The following BANP variants were observed in gnomAD, a reference collection of about 807,000 sequenced individuals.
BANP encodes BTG3 associated nuclear protein.
BANP carries 11 observed loss-of-function variants against 68.1 expected under a neutral mutation model. That is an observed-to-expected ratio of 0.16 (90% confidence interval 0.10 to 0.27). The LOEUF (loss-of-function observed/expected upper bound fraction) is 0.27, where lower values mean the gene tolerates loss of function less well. BANP is among the 10% of genes least tolerant of loss of function. The pLI, the probability that BANP is intolerant of heterozygous loss-of-function variation, is 1.00. For synonymous variants in BANP, 329 were observed against 303.2 expected, an observed-to-expected ratio of 1.09 and a Z score of -0.88; for missense variants, 504 against 722.7, an observed-to-expected ratio of 0.70 and a Z score of 3.47.
chr16:87,990,247 T>C (rs2065582110), intron 4 of BANP, among the ~76,000 whole-genome samples: 1 of 152,262 alleles, frequency 6.6e-6, no homozygotes, highest in Admixed American at 6.5e-5. Flanking sequence ...ACTAGCATGT[T>C]TCTACAATTT....
intron 1 of BANP, among the ~76,000 whole-genome samples, chr16:87,967,254 C>CTTT (rs573550962): frequency 5.6e-5 from 6 of 106,992 alleles, no homozygotes; most frequent in South Asian, 3.6e-4. Context: ...GGAAAAGGTT[C>CTTT]TTTTTTTTTT....
chr16:88,016,962 CAG>C (rs1277067277), intron 6 of BANP, among the ~76,000 whole-genome samples: 2 of 152,202 alleles, frequency 1.3e-5, no homozygotes, highest in African/African-American at 4.8e-5. Context: ...TGTTTGAAGA[CAG>C]GGTGACCAGC....
chr16:88,011,191 A>T (rs1468274956), intron 6 of BANP, among the ~76,000 whole-genome samples: 2 of 152,214 alleles, frequency 1.3e-5, no homozygotes, highest in Non-Finnish European at 2.9e-5. Context: ...TTCCGGATAC[A>T]CAGCCTGTGC....
chr16:88,002,057 T>C lies in BANP; in HGVS notation c.363-2238T>C, dbSNP rs2152549039. Among the ~76,000 whole-genome samples, 1 of 152,332 alleles carries C rather than the reference T, an allele frequency of 6.6e-6. No homozygotes were observed. Among genetic ancestry groups the C allele is most frequent in the South Asian group, 2.1e-4 (1 of 4,826 alleles). ...TCTTGATAATAAAATACTAGGAATG[T>C]ATTTTTGAAGAGCTGGATAGGGCTT... On this transcript the variant is annotated intron_variant, in intron 4 of 13. Coordinates refer to ENST00000682872, the MANE Select transcript of BANP (RefSeq NM_001386991.1). This position sits in a 1 kb window ranked among gnomAD's most constrained non-coding sequence, Gnocchi z 4.6.
At chr16:88,012,549 A>G (rs1167526109) in intron 6 of BANP, among the ~76,000 whole-genome samples, 3 of 152,094 alleles carry the variant, frequency 2.0e-5, no homozygotes. Flanking sequence ...TTTGTTCACT[A>G]TCCTGCTGGA....
intron 4 of BANP, among the ~76,000 whole-genome samples, chr16:87,987,233 G>A (rs564565634): frequency 2.0e-5 from 3 of 152,026 alleles, no homozygotes; most frequent in East Asian, 3.9e-4. Flanking sequence ...CATGCACCAC[G>A]CCGCCTAGCT....
At chr16:88,067,935 C>G (rs1488252422) in intron 12 of BANP, among the ~76,000 whole-genome samples, 1 of 152,264 alleles carries the variant, frequency 6.6e-6, no homozygotes, top group African/African-American at 2.4e-5. Context: ...GTAGCATCCA[C>G]TGTGTCAATG....
chr16:88,032,825 A>G (rs1417469056), intron 8 of BANP, among the ~76,000 whole-genome samples: 2 of 152,216 alleles, frequency 1.3e-5, no homozygotes, highest in Non-Finnish European at 2.9e-5. Flanking sequence ...CACTTTAAGA[A>G]CTTCATTCAT....
chr16:87,993,953 G>C (rs879259223), intron 4 of BANP, among the ~76,000 whole-genome samples: 1 of 152,124 alleles, frequency 6.6e-6, no homozygotes, highest in Admixed American at 6.5e-5. Flanking sequence ...GGCTCATTGT[G>C]AGTGCTTGTC....
At chr16:88,011,942 G>T (rs2073252384) in intron 6 of BANP, among the ~76,000 whole-genome samples, 1 of 152,202 alleles carries the variant, frequency 6.6e-6, no homozygotes, top group African/African-American at 2.4e-5. Flanking sequence ...TAGACATCTA[G>T]CCAGTAGATG....
chr16:88,071,106 G>A lies in BANP; in HGVS notation c.1378-963G>A. On this transcript the variant is annotated intron_variant, in intron 12 of 13. Coordinates refer to ENST00000682872, the MANE Select transcript of BANP (RefSeq NM_001386991.1). This position sits in a 1 kb window ranked among gnomAD's most constrained non-coding sequence, Gnocchi z 6.5. Reference sequence around the variant, plus strand: ...CCCACGGAGGGGATGCTGCGGCCAGGCTCCGTGGGGTGGGGCACCCTGCGA... The same window carrying A: ...CCCACGGAGGGGATGCTGCGGCCAGACTCCGTGGGGTGGGGCACCCTGCGA... 3.7e-6 allele frequency: 1 copy of A among 272,212 alleles called. No homozygotes were observed. Among genetic ancestry groups the A allele is most frequent in the South Asian group, 3.7e-5 (1 of 27,076 alleles). The allele number at this position is 272,212 out of a possible 1,614,324, so 16.9% of individuals were successfully genotyped here. A position where few individuals can be genotyped will look rare whatever the true frequency, so the allele number is the denominator to read the frequency against.
At chr16:88,013,525 C>G (rs2073763991) in intron 6 of BANP, among the ~76,000 whole-genome samples, 1 of 152,238 alleles carries the variant, frequency 6.6e-6, no homozygotes, top group Admixed American at 6.5e-5. Context: ...TAGAGCTCAG[C>G]CTGCCTGATG....
chr16:88,041,358 C>T (rs1219318978), intron 11 of BANP, among the ~76,000 whole-genome samples: 3 of 152,222 alleles, frequency 2.0e-5, no homozygotes, highest in Admixed American at 6.5e-5. Flanking sequence ...TGCTGGGAAG[C>T]GCCATTGTGC....
At chr16:87,975,378 C>A (rs1396705464) in intron 2 of BANP, among the ~76,000 whole-genome samples, 193 bp downstream of exon 2, 1 of 152,238 alleles carries the variant, frequency 6.6e-6, no homozygotes, top group Non-Finnish European at 1.5e-5. Flanking sequence ...AGCCCCACGT[C>A]CCTTCTGGAG....
At chr16:87,960,506 A>G (rs2144895886) in intron 1 of BANP, among the ~76,000 whole-genome samples, 1 of 152,306 alleles carries the variant, frequency 6.6e-6, no homozygotes, top group Non-Finnish European at 1.5e-5. Flanking sequence ...ATTTTGGAAC[A>G]TTTTGAGATG....
chr16:88,000,259 C>T, intron 4 of BANP, among the ~76,000 whole-genome samples: 1 of 31,202 alleles, frequency 3.2e-5, no homozygotes, highest in East Asian at 1.0e-3. Flanking sequence ...CTCACCTGTC[C>T]TTCCAGACAC....
chr16:87,955,395 C>T (rs922201651), intron 1 of BANP, among the ~76,000 whole-genome samples: 8 of 152,204 alleles, frequency 5.3e-5, no homozygotes, highest in Non-Finnish European at 8.8e-5. Context: ...TTTGACTTTA[C>T]AGAAAAGATG....
intron 6 of BANP, among the ~76,000 whole-genome samples, chr16:88,008,861 G>C (rs982043690): frequency 6.6e-6 from 1 of 152,176 alleles, no homozygotes; most frequent in Admixed American, 6.5e-5. Context: ...TTTTGAAGGA[G>C]AGGTCATCAT....
At chr16:88,062,974 C>G (rs1448741108) in intron 11 of BANP, among the ~76,000 whole-genome samples, 2 of 152,200 alleles carry the variant, frequency 1.3e-5, no homozygotes, top group Non-Finnish European at 2.9e-5. Context: ...CTCATTTTTG[C>G]TGCTTCACGT....
Sources: allele counts gnomAD v4.1 joint callset (sites outside exome capture counted in the v4.1 genomes callset), GRCh38; gene constraint gnomAD v4.1.1; non-coding constraint Gnocchi (gnomAD v3.1); transcripts MANE v1.5; gene names NCBI Gene and HGNC (gene_info 2026-07-23, HGNC 2026-07-21).